Variants in DLG2 observed in about 807,000 individuals in gnomAD.
DLG2 encodes discs large MAGUK scaffold protein 2.
Under a neutral mutation model 132.5 loss-of-function variants are expected in DLG2, and 45 were observed. The observed-to-expected ratio is 0.34, with a 90% CI of 0.27 to 0.44. The LOEUF (loss-of-function observed/expected upper bound fraction) is 0.44. Ranked by LOEUF, DLG2 falls within the 20% of genes least tolerant of loss-of-function variation. The probability of loss-of-function intolerance (pLI) is 1.00; values close to 1 mark genes in which losing one functional copy is unlikely to be tolerated. For missense variants in DLG2, 1,045 were observed against 1,196.9 expected (o/e 0.87, Z 1.87); for synonymous variants, 424 against 419.6 (o/e 1.01, Z -0.13).
chr11:84,948,960 T>G (rs1337369655), intron 6 of DLG2, among the ~76,000 whole-genome samples: 1 of 152,214 alleles, frequency 6.6e-6, no homozygotes, highest in Non-Finnish European at 1.5e-5. Context: ...CTGCGTTCAT[T>G]ATTTCTGTTG....
At chr11:85,163,805 AG>A (rs1214779864) in intron 4 of DLG2, among the ~76,000 whole-genome samples, 2 of 152,252 alleles carry the variant, frequency 1.3e-5, no homozygotes, top group Admixed American at 1.3e-4. Context: ...CTTGGATTGT[AG>A]GGGAGAAAAA....
At chr11:85,056,603 A>C (rs906545212) in intron 6 of DLG2, among the ~76,000 whole-genome samples, 2 of 152,074 alleles carry the variant, frequency 1.3e-5, no homozygotes, top group African/African-American at 4.8e-5. Flanking sequence ...TATAATGATC[A>C]GTACATTTTC....
At chr11:83,666,420 C>G (rs1237895601) in intron 18 of DLG2, among the ~76,000 whole-genome samples, 8 of 152,150 alleles carry the variant, frequency 5.3e-5, no homozygotes. Flanking sequence ...TCATTAGATT[C>G]TCAGAGGAGT....
chr11:84,542,956 G>A (rs1298816884), intron 6 of DLG2, among the ~76,000 whole-genome samples: 1 of 150,320 alleles, frequency 6.7e-6, no homozygotes, highest in Non-Finnish European at 1.5e-5. Context: ...CTTTTCTCCA[G>A]CTTCTTCCTT....
chr11:85,525,939 T>A (rs2074710165), intron 3 of DLG2, among the ~76,000 whole-genome samples: 1 of 152,142 alleles, frequency 6.6e-6, no homozygotes, highest in African/African-American at 2.4e-5. Flanking sequence ...TATCAGTACA[T>A]GAACGAGAGG....
chr11:85,559,407 C>A (rs2077104899), intron 3 of DLG2, among the ~76,000 whole-genome samples: 1 of 151,418 alleles, frequency 6.6e-6, no homozygotes, highest in African/African-American at 2.4e-5. Context: ...CCTCGGCCTC[C>A]CAAAGTGCTG....
intron 18 of DLG2, among the ~76,000 whole-genome samples, chr11:83,755,112 C>A (rs1421307587): frequency 6.6e-6 from 1 of 151,038 alleles, no homozygotes; most frequent in Non-Finnish European, 1.5e-5. Context: ...CCTACTTTTA[C>A]CTTATTTCAA....
At chr11:84,543,260 G>T (rs952876287) in intron 6 of DLG2, among the ~76,000 whole-genome samples, 1 of 152,032 alleles carries the variant, frequency 6.6e-6, no homozygotes, top group African/African-American at 2.4e-5. Context: ...GGGGGTGGAG[G>T]TAGGTAGTTT....
chr11:85,506,224 G>A (rs1372736037), intron 3 of DLG2, among the ~76,000 whole-genome samples: 2 of 152,062 alleles, frequency 1.3e-5, no homozygotes, highest in East Asian at 3.9e-4. Context: ...CTTCAGTTCT[G>A]CTCTGATCTT....
rs531285171 is a variant in DLG2 at position 85,586,142 on chromosome 11, A to G, written c.40+12515T>C. Among the ~76,000 whole-genome samples, 265 of 151,970 alleles carry G rather than the reference A, an allele frequency of 1.7e-3. 2 individuals are homozygous for G. Among genetic ancestry groups the G allele is most frequent in the Admixed American group, 3.2e-3 (49 of 15,280 alleles). On this transcript the variant is annotated intron_variant, in intron 3 of 27. Transcript: ENST00000376104. ...ATTGTTAGCTAGTATTTTGTGGAGG[A>G]TTTTTGCATCTATGTTCATCAGGGA... is the stretch of plus-strand genomic sequence containing the variant.
At chr11:85,262,380 G>A (rs1167840056) in intron 4 of DLG2, among the ~76,000 whole-genome samples, 1 of 152,056 alleles carries the variant, frequency 6.6e-6, no homozygotes, top group Non-Finnish European at 1.5e-5. Flanking sequence ...CCTTTCCTGG[G>A]CCTTGAAGCA....
At chr11:84,084,206 G>C (rs1000406070) in intron 10 of DLG2, among the ~76,000 whole-genome samples, 7 of 152,192 alleles carry the variant, frequency 4.6e-5, no homozygotes, top group African/African-American at 1.7e-4. Context: ...GCTCTCATGA[G>C]GTAAGAAGGA....
intron 10 of DLG2, among the ~76,000 whole-genome samples, chr11:84,098,615 C>T (rs756698502): frequency 1.3e-4 from 20 of 152,028 alleles, no homozygotes; most frequent in Non-Finnish European, 2.6e-4. Flanking sequence ...ATTATTTGCC[C>T]GTTAGTTCAT....
intron 7 of DLG2, among the ~76,000 whole-genome samples, chr11:84,284,484 C>T (rs1432400987): frequency 6.6e-6 from 1 of 152,224 alleles, no homozygotes; most frequent in East Asian, 1.9e-4. Flanking sequence ...CCTACACACA[C>T]TGCAGAGTCT....
intron 15 of DLG2, among the ~76,000 whole-genome samples, chr11:83,882,350 T>A (rs1030361125): frequency 6.6e-6 from 1 of 152,192 alleles, no homozygotes; most frequent in African/African-American, 2.4e-5. Flanking sequence ...AAGTGTAAGA[T>A]TGTACTAATG....
intron 7 of DLG2, among the ~76,000 whole-genome samples, chr11:84,526,058 T>A (rs765731348): frequency 6.6e-5 from 10 of 152,168 alleles, no homozygotes; most frequent in Non-Finnish European, 1.3e-4. Context: ...TTTCACACTT[T>A]CTTTATTGTA....
At chr11:85,298,799 GA>G (rs764398753) in intron 3 of DLG2, among the ~76,000 whole-genome samples, 4 of 151,792 alleles carry the variant, frequency 2.6e-5, no homozygotes, top group Non-Finnish European at 4.4e-5. Flanking sequence ...TTATATAACA[GA>G]TTGCTCTTGT....
At chr11:84,249,156 T>C (rs1048360724) in intron 8 of DLG2, among the ~76,000 whole-genome samples, 1 of 152,224 alleles carries the variant, frequency 6.6e-6, no homozygotes, top group Non-Finnish European at 1.5e-5. Flanking sequence ...TGGTCTTACT[T>C]ACAAAATCAG....
intron 10 of DLG2, among the ~76,000 whole-genome samples, chr11:84,061,563 A>T (rs2096590896): frequency 6.6e-6 from 1 of 152,222 alleles, no homozygotes; most frequent in South Asian, 2.1e-4. Context: ...TTAGGACCAC[A>T]TACATCTAAT....
Sources: allele counts gnomAD v4.1 joint callset (sites outside exome capture counted in the v4.1 genomes callset), GRCh38; gene constraint gnomAD v4.1.1; transcripts MANE v1.5; gene names NCBI Gene and HGNC (gene_info 2026-07-23, HGNC 2026-07-21).